The following MARCO variants were observed in gnomAD, a reference collection of about 807,000 sequenced individuals.
MARCO encodes macrophage receptor MARCO.
Under a neutral mutation model 70.0 loss-of-function variants are expected in MARCO, and 72 were observed. The ratio of observed to expected loss-of-function variants is 1.03; its 90% CI spans 0.85 to 1.25. MARCO has a LOEUF of 1.25. MARCO is among the 50% of genes most tolerant of loss of function. The pLI is 0.00. For missense variants in MARCO, 696 were observed against 659.3 expected (o/e 1.06, Z -0.61); for synonymous variants, 273 against 243.1 (o/e 1.12, Z -1.14).
intron 6 of MARCO, among the ~76,000 whole-genome samples, chr2:118,976,394 T>A (rs1680284927): frequency 1.3e-5 from 2 of 152,034 alleles, no homozygotes; most frequent in Admixed American, 1.3e-4. Context: ...ATTCAGCAAC[T>A]CACTTAGAGC....
chr2:118,993,059 G>A (rs920220000), intron 15 of MARCO, 65 bp from the exon 16 acceptor site: 66 of 1,386,314 alleles, frequency 4.8e-5, no homozygotes, highest in Non-Finnish European at 6.4e-5. Flanking sequence ...AAAAGAAAGA[G>A]CCCGCACTTA....
chr2:118,961,458 C>G (rs937490944), intron 1 of MARCO, among the ~76,000 whole-genome samples: 2 of 152,170 alleles, frequency 1.3e-5, no homozygotes, highest in South Asian at 2.1e-4. Flanking sequence ...TTTCATTTCT[C>G]TAATGATCAG....
At chr2:118,991,126 C>T (rs1573411456) in intron 13 of MARCO, among the ~76,000 whole-genome samples, 1 of 152,144 alleles carries the variant, frequency 6.6e-6, no homozygotes, top group Non-Finnish European at 1.5e-5. Flanking sequence ...TGAGCTGGCA[C>T]CAGCTGGACG....
intron 1 of MARCO, among the ~76,000 whole-genome samples, chr2:118,958,057 A>G (rs1679871019): frequency 6.6e-6 from 1 of 152,076 alleles, no homozygotes; most frequent in Non-Finnish European, 1.5e-5. Flanking sequence ...CTGAATGGGG[A>G]AAAATTGAAA....
At chr2:118,959,112 G>A (rs1486856058) in intron 1 of MARCO, among the ~76,000 whole-genome samples, 1 of 152,064 alleles carries the variant, frequency 6.6e-6, no homozygotes, top group Non-Finnish European at 1.5e-5. Context: ...AAAAGTAAAT[G>A]CAATAAAAAC....
At chr2:118,950,981 G>T (rs529230252) in intron 1 of MARCO, among the ~76,000 whole-genome samples, 1 of 152,272 alleles carries the variant, frequency 6.6e-6, no homozygotes, top group East Asian at 1.9e-4. Context: ...ATTATCCTTT[G>T]CTATTAATAA....
chr2:118,961,308 G>T (rs1483859446), intron 1 of MARCO, among the ~76,000 whole-genome samples: 1 of 152,162 alleles, frequency 6.6e-6, no homozygotes, highest in African/African-American at 2.4e-5. Context: ...CTTCCACAAT[G>T]GTTGAACTAA....
At chr2:118,953,131 T>C (rs1041095846) in intron 1 of MARCO, 8 of 152,154 alleles carry the variant, frequency 5.3e-5, no homozygotes, top group African/African-American at 1.9e-4. Flanking sequence ...CCTAAATAGG[T>C]AAGTACAGGG....
intron 1 of MARCO, among the ~76,000 whole-genome samples, chr2:118,954,694 G>A (rs1573378264): frequency 6.6e-6 from 1 of 152,292 alleles, no homozygotes; most frequent in East Asian, 1.9e-4. Context: ...GCTGGAACAG[G>A]TGCTGGTATC....
intron 1 of MARCO, among the ~76,000 whole-genome samples, chr2:118,944,116 G>A (rs1679552760): frequency 6.6e-6 from 1 of 152,170 alleles, no homozygotes; most frequent in African/African-American, 2.4e-5. Flanking sequence ...TTTCTGACCT[G>A]GGTTGTGTGT....
chr2:118,979,600 C>T (rs565205381), intron 8 of MARCO, among the ~76,000 whole-genome samples: 44 of 152,180 alleles, frequency 2.9e-4, no homozygotes, highest in Non-Finnish European at 5.3e-4. Context: ...TATGCAGCTT[C>T]CCAACCACAC....
At chr2:118,988,573 A>G (rs1680559112) in intron 12 of MARCO, among the ~76,000 whole-genome samples, 1 of 151,948 alleles carries the variant, frequency 6.6e-6, no homozygotes, top group Non-Finnish European at 1.5e-5. Flanking sequence ...GTGTCCCTAG[A>G]GGTAGGGTTC....
chr2:118,986,697 GAA>G (rs377378761), intron 12 of MARCO, among the ~76,000 whole-genome samples: 4 of 73,862 alleles, frequency 5.4e-5, no homozygotes, highest in East Asian at 9.6e-4. Context: ...AAGAAAGAAA[GAA>G]AGAAAGAAAG....
At chr2:118,966,240 G>A (rs528669029) in intron 1 of MARCO, among the ~76,000 whole-genome samples, 1 of 152,296 alleles carries the variant, frequency 6.6e-6, no homozygotes, top group South Asian at 2.1e-4. Flanking sequence ...AGACAATAGA[G>A]CTGTCAAATT....
intron 12 of MARCO, among the ~76,000 whole-genome samples, chr2:118,987,810 A>G (rs765614165): frequency 3.9e-5 from 6 of 152,240 alleles, no homozygotes; most frequent in Non-Finnish European, 8.8e-5. Context: ...ATGCACCCAG[A>G]TGATTCTGAT....
At chr2:118,956,412 T>TACTTTAATACTCCACTGACAGCACA (rs1553461119) in intron 1 of MARCO, among the ~76,000 whole-genome samples, 1 of 144,302 alleles carries the variant, frequency 6.9e-6, no homozygotes, top group South Asian at 2.4e-4. Context: ...CATTATGTAA[T>TACTTTAATACTCCACTGACAGCACA]GGTAAAAGTC....
chr2:118,970,811 G>T (rs1558837040), intron 3 of MARCO, among the ~76,000 whole-genome samples: 1 of 152,192 alleles, frequency 6.6e-6, no homozygotes, highest in Non-Finnish European at 1.5e-5. Context: ...CTCTCAGCCT[G>T]CCCCAAAATG....
Position 118,993,287 on chromosome 2 carries a change from C to A in MARCO, c.1416C>A (p.Tyr472Ter). The change falls in exon 16 of 17, where the codon TAC becomes TAA. Residue 472 changes from tyrosine (Y) to a stop codon, truncating the protein, a stop_gained. Transcript: ENST00000327097. LOFTEE classifies it low-confidence loss of function (END_TRUNC). ...MLGYSKGRALYKVGAGTGQIW... is the reference protein window; with the variant it reads ...MLGYSKGRAL ...GTTACTCCAAAGGAAGGGCCCTGTA[C>A]AAAGTGGGAGCTGGTAAGTGAGTCA... is the stretch of plus-strand genomic sequence containing the variant. The A allele has an allele frequency of 6.2e-7, 1 of 1,614,108 alleles. No homozygotes were observed. Among genetic ancestry groups the A allele is most frequent in the South Asian group, 1.1e-5 (1 of 91,078 alleles).
rs1271163762 is a variant in MARCO, at chr2:118,991,889, A to G, written c.1207+14A>G. On this transcript the variant is annotated intron_variant, in intron 14 of 16. Coordinates refer to ENST00000327097, the MANE Select transcript of MARCO (RefSeq NM_006770.4). Reference sequence around the variant, plus strand: ...AGGGAGTGAAAGGTAAGGCCTCTGCATCTGATTCCTTTGTTCTTAGGACTG... The same window carrying G: ...AGGGAGTGAAAGGTAAGGCCTCTGCGTCTGATTCCTTTGTTCTTAGGACTG... 3.8e-6 allele frequency: 6 copies of G among 1,564,282 alleles called. No homozygotes were observed. The East Asian group carries it at 1.4e-4, about 36-fold the overall frequency.
Sources: allele counts gnomAD v4.1 joint callset (sites outside exome capture counted in the v4.1 genomes callset), GRCh38; gene constraint gnomAD v4.1.1; transcripts MANE v1.5; gene names NCBI Gene and HGNC (gene_info 2026-07-23, HGNC 2026-07-21).